DVL2: variants seen among roughly 807,000 people sequenced by gnomAD.
DVL2 encodes the protein dishevelled segment polarity protein 2.
DVL2 carries 38 observed loss-of-function variants against 69.8 expected under a neutral mutation model. The observed-to-expected ratio is 0.54, with a 90% CI of 0.42 to 0.71. The LOEUF is 0.71. DVL2 is among the 30% of genes least tolerant of loss of function. DVL2 has a pLI of 0.00. For synonymous variants in DVL2, 428 were observed against 392.4 expected, an observed-to-expected ratio of 1.09 and a Z score of -1.07; for missense variants, 931 against 1,008.1, an observed-to-expected ratio of 0.92 and a Z score of 1.04.
chr17:7,225,735 C>G lies in DVL2; in HGVS notation c.*130G>C, dbSNP rs779483754. ...AACCAGGCACTGCTGGTGAGAGTCA[C>G]AGTGGCCACAATCTCCTGTATGGCA... On this transcript the variant is annotated 3_prime_UTR_variant, in exon 15 of 15. Coordinates refer to ENST00000005340, the MANE Select transcript of DVL2 (RefSeq NM_004422.3). 4.5e-5 allele frequency: 36 copies of G among 792,744 alleles called. No homozygotes were observed. Among genetic ancestry groups the G allele is most frequent in the Non-Finnish European group, 7.0e-5 (33 of 469,668 alleles). 49.1% of individuals were successfully genotyped at this position (792,744 alleles called of 1,614,324 possible).
chr17:7,229,139 A>T lies in DVL2; in HGVS notation c.953T>A (p.Leu318Ter). ...DGRIEPGDML[L>*]QVNDMNFENM... The stretch of plus-strand genomic sequence containing the variant: ...AGTGGCCCTACCCCAGCACACCTGC[A>T]AAAGCATGTCCCCTGGCTCAATGCG... Residue 318 changes from leucine (L) to a stop codon, truncating the protein, a stop_gained, in exon 8 of 15, where the codon TTG becomes TAG. Coordinates refer to ENST00000005340, the MANE Select transcript of DVL2 (RefSeq NM_004422.3). LOFTEE classifies it high-confidence loss of function. This position sits in a 1 kb window ranked among gnomAD's most constrained non-coding sequence, Gnocchi z 4.4. 1 of 1,614,036 alleles carries T rather than the reference A, an allele frequency of 6.2e-7. No homozygotes were observed. The highest frequency in any genetic ancestry group is 8.5e-7 in the Non-Finnish European group (1 of 1,179,910).
At chr17:7,230,980 T>C (rs958162725) in intron 1 of DVL2, among the ~76,000 whole-genome samples, 183 bp from the exon 2 acceptor site, 2 of 152,078 alleles carry the variant, frequency 1.3e-5, no homozygotes, top group Non-Finnish European at 2.9e-5. Context: ...CTCAATCCCC[T>C]TTCCTTATTT....
At chr17:7,228,909 C>A (rs2071498356) in intron 9 of DVL2, 60 bp downstream of exon 9, 2 of 1,573,486 alleles carry the variant, frequency 1.3e-6, no homozygotes, top group Middle Eastern at 1.9e-4. Context: ...AATTCCAAAA[C>A]AAAACATGAA....
At position 7,234,157 on chromosome 17, in the gene DVL2, C is replaced by T; in HGVS notation, c.106G>A (p.Glu36Lys). 1 of 1,614,162 alleles carries T rather than the reference C, an allele frequency of 6.2e-7. No individual in the cohort carries two copies. Among genetic ancestry groups the T allele is most frequent in the Non-Finnish European group, 8.5e-7 (1 of 1,180,034 alleles). The change falls in exon 1 of 15, where the codon GAG becomes AAG. Residue 36 changes from glutamate (E) to lysine (K), a missense_variant. Physicochemically the swap from Glu to Lys is moderately conservative, Grantham distance 56. Coordinates refer to ENST00000005340, the MANE Select transcript of DVL2 (RefSeq NM_004422.3). The part of the protein sequence containing the change: ...PYLVKIPVPA[E>K]RITLGDFKSV... Reference sequence around the variant, plus strand: ...TTGAAATCGCCGAGGGTGATGCGCTCGGCGGGGACAGGGATCTTCACCAGG... The same window carrying T: ...TTGAAATCGCCGAGGGTGATGCGCTTGGCGGGGACAGGGATCTTCACCAGG...
rs965108461 is a variant in DVL2 at position 7,230,304 on chromosome 17, A to G, written c.391T>C (p.Ser131Pro). 1.2e-6 allele frequency: 2 copies of G among 1,614,156 alleles called. No individual in the cohort carries two copies. Among genetic ancestry groups the G allele is most frequent in the Non-Finnish European group, 8.5e-7 (1 of 1,180,016 alleles). Reference protein sequence around the residue: ...PPERTSGIGDSRPPSFHPNVS... With the variant: ...PPERTSGIGDPRPPSFHPNVS... ...ACTCACTGGAAGGATGGAGGCCTTGAGTCCCCAATGCCGCTGGTCCTCTCG... is the reference window on the plus strand; with the variant it reads ...ACTCACTGGAAGGATGGAGGCCTTGGGTCCCCAATGCCGCTGGTCCTCTCG... The change falls in exon 3 of 15, where the codon TCA (serine) becomes CCA (proline). Residue 131 changes from serine to proline, a missense_variant. Around this residue, in one of 3 missense-constraint regions of DVL2, gnomAD observed 555 missense variants for 588.8 expected, o/e 0.94. Coordinates refer to ENST00000005340, the MANE Select transcript of DVL2 (RefSeq NM_004422.3).
intron 2 of DVL2, 31 bp from the exon 3 acceptor site, chr17:7,230,461 C>T: frequency 6.2e-7 from 1 of 1,609,944 alleles, no homozygotes. Context: ...AACAGTGGCT[C>T]ACTTGGGAGT....
In DVL2 at chr17:7,234,055, G is replaced by C; in HGVS notation, c.194+14C>G. ...GCAAAGCCCCCGCCGGTCCTATCTA[G>C]GCCTTGCGCTCACCCGAAATCCTGA... On this transcript the variant is annotated intron_variant, in intron 1 of 14. Coordinates refer to ENST00000005340, the MANE Select transcript of DVL2 (RefSeq NM_004422.3). 5 of 1,613,464 alleles carry C rather than the reference G, an allele frequency of 3.1e-6. No individual in the cohort carries two copies. Among genetic ancestry groups the C allele is most frequent in the Non-Finnish European group, 4.2e-6 (5 of 1,179,980 alleles).
Position 7,234,491 on chromosome 17 carries a change from G to A in DVL2, c.-229C>T, listed in dbSNP as rs767501551. On this transcript the variant is annotated 5_prime_UTR_variant, in exon 1 of 15. Coordinates refer to ENST00000005340, the MANE Select transcript of DVL2 (RefSeq NM_004422.3). ...GCGGCCGCCGCGCGCCACCGCCACCGACGCCGCGAGCTTCCTCCAGGTACC... is the reference window on the plus strand; with the variant it reads ...GCGGCCGCCGCGCGCCACCGCCACCAACGCCGCGAGCTTCCTCCAGGTACC... 3.1e-5 allele frequency: 17 copies of A among 541,776 alleles called. No individual in the cohort carries two copies. Among genetic ancestry groups the A allele is most frequent in the South Asian group, 9.8e-5 (4 of 40,666 alleles). 33.6% of individuals were successfully genotyped at this position (541,776 alleles called of 1,614,324 possible).
In DVL2 at chr17:7,225,377, C is replaced by G. The variant is rs2071425496; in HGVS notation, c.*488G>C. On this transcript the variant is annotated 3_prime_UTR_variant, in exon 15 of 15. Transcript: ENST00000005340. ...CTATTGCTTTATTTGGTGTTTTATA[C>G]AAGTGACTAAAATAAATAGAGTAAC... The G allele has an allele frequency of 1.9e-6, 1 of 530,770 alleles. No homozygotes were observed. Among genetic ancestry groups the G allele is most frequent in the Admixed American group, 3.2e-5 (1 of 31,410 alleles). The allele number at this position is 530,770 out of a possible 1,614,324, so 32.9% of individuals were successfully genotyped here.
Position 7,234,098 on chromosome 17 carries a change from G to A in DVL2, c.165C>T (p.Tyr55=). The A allele has an allele frequency of 6.2e-7, 1 of 1,614,134 alleles. No individual in the cohort carries two copies. The highest frequency in any genetic ancestry group is 8.5e-7 in the Non-Finnish European group (1 of 1,180,030). Residue 55 remains tyrosine, a synonymous_variant, in exon 1 of 15, where the codon TAC becomes TAT. Coordinates refer to ENST00000005340, the MANE Select transcript of DVL2 (RefSeq NM_004422.3). ...SVLQRPAGAK[Y]FFKSMDQDFG... ...AATCCTGATCCATAGACTTGAAAAAGTACTTGGCGCCCGCGGGCCGCTGCA... is the reference window on the plus strand; with the variant it reads ...AATCCTGATCCATAGACTTGAAAAAATACTTGGCGCCCGCGGGCCGCTGCA...
chr17:7,226,426 C>T lies in DVL2; in HGVS notation c.1757G>A (p.Ser586Asn). ...YGGGSASSQH[S>N]EGSRSSGSTR... is the part of the protein sequence containing the mutation. The stretch of plus-strand genomic sequence containing the variant: ...GGTATGTGGGGATGACTTACCCTCA[C>T]TATGCTGGCTGCTGGCACTGCCCCC... Residue 586 changes from serine (S) to asparagine (N), a missense_variant, in exon 14 of 15, where the codon AGT (serine) becomes AAT (asparagine). By Grantham distance (46) the Ser-to-Asn change is conservative (BLOSUM62 1). Transcript: ENST00000005340. 6.5e-7 allele frequency: 1 copy of T among 1,532,908 alleles called. No individual in the cohort carries two copies. Among genetic ancestry groups the T allele is most frequent in the Non-Finnish European group, 8.8e-7 (1 of 1,140,828 alleles). 95.0% of individuals were successfully genotyped at this position (1,532,908 alleles called of 1,614,324 possible).
In DVL2 at chr17:7,226,259, C is replaced by A. The variant is rs1045544304; in HGVS notation, c.1817G>T (p.Arg606Met). 6.2e-6 allele frequency: 10 copies of A among 1,607,704 alleles called. No individual in the cohort carries two copies. Among genetic ancestry groups the A allele is most frequent in the Non-Finnish European group, 8.5e-6 (10 of 1,177,690 alleles). Residue 606 changes from arginine (R) to methionine (M), a missense_variant, in exon 15 of 15, where the codon AGG becomes ATG. Transcript: ENST00000005340. ...RSDGGAGRTG[R>M]PEERAPESKS... ...GGACTCGGGGGCCCGCTCCTCGGGCCTCCCCGTGCGCCCTGCCCCCCCATC... is the reference window on the plus strand; with the variant it reads ...GGACTCGGGGGCCCGCTCCTCGGGCATCCCCGTGCGCCCTGCCCCCCCATC...
rs866911540 is a variant in DVL2, at chr17:7,229,170, C to A, written c.922G>T (p.Asp308Tyr). 6.2e-7 allele frequency: 1 copy of A among 1,614,090 alleles called. No homozygotes were observed. Among genetic ancestry groups the A allele is most frequent in the Non-Finnish European group, 8.5e-7 (1 of 1,180,042 alleles). ...SIMKGGAVAADGRIEPGDMLL... is the reference protein window; with the variant it reads ...SIMKGGAVAAYGRIEPGDMLL... ...ATGTCCCCTGGCTCAATGCGCCCGTCGGCCGCCACAGCCCCACCCTTCATG... is the reference window on the plus strand; with the variant it reads ...ATGTCCCCTGGCTCAATGCGCCCGTAGGCCGCCACAGCCCCACCCTTCATG... Residue 308 changes from aspartate (D) to tyrosine (Y), a missense_variant, in exon 8 of 15, where the codon GAC (aspartate) becomes TAC (tyrosine). Around this residue, in one of 3 missense-constraint regions of DVL2, gnomAD observed 555 missense variants for 588.8 expected, o/e 0.94. Coordinates refer to ENST00000005340, the MANE Select transcript of DVL2 (RefSeq NM_004422.3). The surrounding 1 kb of genome is among the most constrained non-coding windows in gnomAD (Gnocchi z 4.4).
intron 9 of DVL2, chr17:7,228,340 G>A (rs1288490042): frequency 1.2e-5 from 3 of 242,018 alleles, no homozygotes; most frequent in Non-Finnish European, 2.4e-5. Flanking sequence ...ACGTGCAAGG[G>A]TGGTAACTAT....
At position 7,231,876 on chromosome 17, in the gene DVL2, A is replaced by C. The variant is rs549578745; in HGVS notation, c.195-1079T>G. Among the ~76,000 whole-genome samples, 166 of 151,884 alleles carry C rather than the reference A, an allele frequency of 1.1e-3. 2 individuals carry two copies. Among genetic ancestry groups the C allele is most frequent in the Middle Eastern group, 6.8e-3 (2 of 294 alleles). On this transcript the variant is annotated intron_variant, in intron 1 of 14. Transcript: ENST00000005340. Reference sequence around the variant, plus strand: ...CTCCACCTCAGAAAAAAAAAAAAAAAAAAAAACCACCCATTGGATCAAACA... The same window carrying C: ...CTCCACCTCAGAAAAAAAAAAAAAACAAAAAACCACCCATTGGATCAAACA...
chr17:7,225,481 C>T lies in DVL2; in HGVS notation c.*384G>A. On this transcript the variant is annotated 3_prime_UTR_variant, in exon 15 of 15. Coordinates refer to ENST00000005340, the MANE Select transcript of DVL2 (RefSeq NM_004422.3). ...TGCCTAACCCCGGGGTACCGCTGAC[C>T]ACCCCCAACCCTGCAAAGGGCAGGG... 1 of 425,356 alleles carries T rather than the reference C, an allele frequency of 2.4e-6. No individual in the cohort carries two copies. Among genetic ancestry groups the T allele is most frequent in the Non-Finnish European group, 4.3e-6 (1 of 231,866 alleles). The allele number at this position is 425,356 out of a possible 1,614,324, so 26.3% of individuals were successfully genotyped here.
rs746276617 is a variant in DVL2 at position 7,226,682 on chromosome 17, G to A, written c.1544-43C>T. 4.2e-6 allele frequency: 6 copies of A among 1,418,934 alleles called. No individual in the cohort carries two copies. In the East Asian group the frequency reaches 9.7e-5, roughly 23 times the overall value. 87.9% of individuals were successfully genotyped at this position (1,418,934 alleles called of 1,614,324 possible). On this transcript the variant is annotated intron_variant, in intron 13 of 14. Transcript: ENST00000005340. ...AGAGGAAGAAATCACTGCTTCAAGA[G>A]GCTAGGGCCCCAAGACACCGAATGG...
chr17:7,232,389 C>T (rs994168116), intron 1 of DVL2, among the ~76,000 whole-genome samples: 2 of 152,122 alleles, frequency 1.3e-5, no homozygotes, highest in African/African-American at 4.8e-5. Context: ...ACTACTAACC[C>T]GTCTCAGCAT....
Position 7,229,922 on chromosome 17 carries a change from C to A in DVL2, c.542G>T (p.Gly181Val), listed in dbSNP as rs11549559. 2 of 1,608,880 alleles carry A rather than the reference C, an allele frequency of 1.2e-6. No individual in the cohort carries two copies. The highest frequency in any genetic ancestry group is 3.3e-5 in the Admixed American group (2 of 60,028). Reference protein sequence around the residue: ...EHGAGGHRTGGPSRLERHLAG... With the variant: ...EHGAGGHRTGVPSRLERHLAG... ...CAGGTGGCGCTCCAGCCTTGAGGGG[C>A]CACCAGTCCTGTGGCCCCCAGCTAC... Residue 181 changes from glycine (G) to valine (V), a missense_variant, in exon 5 of 15, where the codon GGC (glycine) becomes GTC (valine). This residue lies in a region of DVL2 where 555 missense variants were observed against 588.8 expected (regional missense o/e 0.94). Transcript: ENST00000005340. The surrounding 1 kb of genome is among the most constrained non-coding windows in gnomAD (Gnocchi z 4.4).
Sources: allele counts gnomAD v4.1 joint callset (sites outside exome capture counted in the v4.1 genomes callset), GRCh38; gene constraint gnomAD v4.1.1; regional missense constraint gnomAD v4.1.1; non-coding constraint Gnocchi (gnomAD v3.1); transcripts MANE v1.5; gene names NCBI Gene and HGNC (gene_info 2026-07-23, HGNC 2026-07-21).